OSBPL1A: variants seen among roughly 807,000 people sequenced by gnomAD.
The protein encoded by OSBPL1A is oxysterol binding protein like 1A, also known as oxysterol-binding protein-related protein 1.
A neutral mutation model predicts 137.1 loss-of-function variants in OSBPL1A; 80 were observed. That is an observed-to-expected ratio of 0.58 (90% CI 0.49 to 0.70). The LOEUF (loss-of-function observed/expected upper bound fraction) is 0.70. Ranked by LOEUF, OSBPL1A falls within the 30% of genes least tolerant of loss-of-function variation. OSBPL1A has a pLI of 0.00. For missense variants in OSBPL1A, 970 were observed against 1,129.4 expected, an observed-to-expected ratio of 0.86 and a Z score of 2.02; for synonymous variants, 365 against 389.7, an observed-to-expected ratio of 0.94 and a Z score of 0.75.
chr18:24,225,684 CG>C (rs2088051807), intron 16 of OSBPL1A, among the ~76,000 whole-genome samples: 2 of 151,948 alleles, frequency 1.3e-5, no homozygotes, highest in South Asian at 4.1e-4. Context: ...TTAAAAAGGT[CG>C]GGTCAGTGGC....
At chr18:24,348,462 G>A (rs1568043836) in intron 4 of OSBPL1A, among the ~76,000 whole-genome samples, 1 of 152,114 alleles carries the variant, frequency 6.6e-6, no homozygotes, top group Non-Finnish European at 1.5e-5. Flanking sequence ...AGGTTAATAT[G>A]TTTTATACAA....
intron 1 of OSBPL1A, among the ~76,000 whole-genome samples, chr18:24,382,691 C>T (rs1906684865): frequency 6.6e-6 from 1 of 151,718 alleles, no homozygotes; most frequent in Non-Finnish European, 1.5e-5. Flanking sequence ...GCCTGGGCAA[C>T]ATGGTAAAAC....
chr18:24,292,533 A>G (rs2090194053), intron 14 of OSBPL1A, among the ~76,000 whole-genome samples: 1 of 152,150 alleles, frequency 6.6e-6, no homozygotes, highest in Admixed American at 6.5e-5. Context: ...ACAGAGAGAA[A>G]GAGAGACGGC....
chr18:24,289,502 AC>A (rs2090137725), intron 14 of OSBPL1A, among the ~76,000 whole-genome samples: 1 of 139,968 alleles, frequency 7.1e-6, no homozygotes, highest in Non-Finnish European at 1.5e-5. Context: ...GCTCACTGTA[AC>A]CCCCACCTCC....
chr18:24,379,104 TAAAG>T (rs1337927930), intron 1 of OSBPL1A, among the ~76,000 whole-genome samples: 1 of 151,390 alleles, frequency 6.6e-6, no homozygotes, highest in Non-Finnish European at 1.5e-5. Flanking sequence ...TAAAAAAAAA[TAAAG>T]CTTGAGAAAA....
chr18:24,345,804 A>T (rs74836791), intron 4 of OSBPL1A, among the ~76,000 whole-genome samples: 5,293 of 152,248 alleles, frequency 0.035, 143 homozygotes, highest in Non-Finnish European at 0.055. Flanking sequence ...ATCCACTCCC[A>T]AACTCTCATC....
chr18:24,335,070 T>C (rs1477322950), intron 5 of OSBPL1A, among the ~76,000 whole-genome samples: 1 of 152,142 alleles, frequency 6.6e-6, no homozygotes, highest in Non-Finnish European at 1.5e-5. Context: ...TTTTATTTTT[T>C]GTAGAGATGG....
chr18:24,293,168 T>A (rs914462584), intron 14 of OSBPL1A, among the ~76,000 whole-genome samples: 1 of 128,822 alleles, frequency 7.8e-6, no homozygotes, highest in Non-Finnish European at 1.7e-5. Flanking sequence ...CTGAGAAGAA[T>A]TTGAAAAAGA....
At chr18:24,383,082 T>C (rs1485124813) in intron 1 of OSBPL1A, among the ~76,000 whole-genome samples, 1 of 152,202 alleles carries the variant, frequency 6.6e-6, no homozygotes. Context: ...GTTTTAAATG[T>C]CTTCTTTGGT....
intron 11 of OSBPL1A, among the ~76,000 whole-genome samples, chr18:24,316,072 C>T (rs1345648441): frequency 1.3e-5 from 2 of 150,836 alleles, no homozygotes; most frequent in South Asian, 4.2e-4. Flanking sequence ...ACCAGCCTAA[C>T]CAACATGGCA....
chr18:24,225,174 C>T lies in OSBPL1A; in HGVS notation c.1469G>A (p.Ser490Asn), dbSNP rs747767373. The change falls in exon 17 of 28, where the codon AGT (serine) becomes AAT (asparagine). Residue 490 changes from serine (S) to asparagine (N), a missense_variant. Around this residue, in one of 2 missense-constraint regions of OSBPL1A, gnomAD observed 647 missense variants for 672.6 expected, o/e 0.96. Transcript: ENST00000319481. ...GCGTGCTGTCACTGCTTCCAATCTA[C>T]TCAGGGACCTTTCGGACTCGGAATC... Reference protein sequence around the residue: ...LSDSESERSLSRLEAVTARSF... With the variant: ...LSDSESERSLNRLEAVTARSF... 6 of 1,614,140 alleles carry T rather than the reference C, an allele frequency of 3.7e-6. No homozygotes were observed. The highest frequency in any genetic ancestry group is 3.3e-5 in the Admixed American group (2 of 60,024).
At chr18:24,213,365 C>A (rs930730813) in intron 17 of OSBPL1A, among the ~76,000 whole-genome samples, 3 of 152,086 alleles carry the variant, frequency 2.0e-5, no homozygotes, top group Non-Finnish European at 4.4e-5. Flanking sequence ...CTCAGGAGTT[C>A]GAGACCAGCC....
chr18:24,331,340 C>T (rs1309143149), intron 7 of OSBPL1A, among the ~76,000 whole-genome samples: 1 of 151,456 alleles, frequency 6.6e-6, no homozygotes, highest in Non-Finnish European at 1.5e-5. Flanking sequence ...AGGCTGGTAG[C>T]AGGCAGCAGG....
intron 7 of OSBPL1A, among the ~76,000 whole-genome samples, chr18:24,320,575 G>A (rs537180358): frequency 4.6e-5 from 7 of 152,240 alleles, no homozygotes; most frequent in African/African-American, 1.4e-4. Context: ...AGAGAGGCAC[G>A]CAGAGGCCAC....
intron 18 of OSBPL1A, among the ~76,000 whole-genome samples, chr18:24,188,793 G>C (rs547828368): frequency 6.6e-6 from 1 of 152,140 alleles, no homozygotes; most frequent in Admixed American, 6.5e-5. Flanking sequence ...GTTCCCTAGA[G>C]AGGTAGTGAA....
Position 24,171,517 on chromosome 18 carries a change from G to A in OSBPL1A, c.2202-19C>T, listed in dbSNP as rs2086286453. On this transcript the variant is annotated intron_variant, in intron 22 of 27. Coordinates refer to ENST00000319481, the MANE Select transcript of OSBPL1A (RefSeq NM_080597.4). The stretch of plus-strand genomic sequence containing the variant: ...CCCAGTCCTATAAAGAAAATACTAA[G>A]TTCAGATTATCATTTATTAGCAAAG... The A allele has an allele frequency of 1.3e-6, 2 of 1,562,694 alleles. No homozygotes were observed. Among genetic ancestry groups the A allele is most frequent in the Non-Finnish European group, 1.8e-6 (2 of 1,141,666 alleles).
intron 13 of OSBPL1A, among the ~76,000 whole-genome samples, chr18:24,306,163 C>T (rs2090496765): frequency 6.6e-6 from 1 of 152,104 alleles, no homozygotes; most frequent in Non-Finnish European, 1.5e-5. Flanking sequence ...CACACAAGAA[C>T]AAGGATTAAA....
At chr18:24,181,423 A>C in intron 18 of OSBPL1A, 144 bp from the exon 19 acceptor site, 2 of 898,416 alleles carry the variant, frequency 2.2e-6, no homozygotes, top group Non-Finnish European at 3.3e-6. Flanking sequence ...TCAATTTCAC[A>C]AATTCTTTCC....
chr18:24,336,606 T>C (rs2091179819), intron 5 of OSBPL1A, among the ~76,000 whole-genome samples: 1 of 152,208 alleles, frequency 6.6e-6, no homozygotes, highest in African/African-American at 2.4e-5. Flanking sequence ...CTAAAGCAAA[T>C]GCTACAAATC....
Sources: gnomAD v4.1 joint callset for allele counts (sites outside exome capture counted in the v4.1 genomes callset) on GRCh38, gnomAD v4.1.1 for gene constraint, gnomAD v4.1.1 regional missense constraint, MANE v1.5 for transcripts, NCBI Gene and HGNC (gene_info 2026-07-23, HGNC 2026-07-21) for gene names.